The following NARS2 variants were observed in gnomAD, a reference collection of about 807,000 sequenced individuals.
NARS2 encodes the protein asparaginyl-tRNA synthetase 2, mitochondrial.
A neutral mutation model predicts 62.9 loss-of-function variants in NARS2; 60 were observed. The observed-to-expected ratio is 0.95, with a 90% confidence interval of 0.77 to 1.18. The LOEUF (loss-of-function observed/expected upper bound fraction) is 1.18, where lower values mean the gene tolerates loss of function less well. NARS2 is among the 50% of genes most tolerant of loss of function. The pLI is 0.00. For missense variants in NARS2, 619 were observed against 576.4 expected, an observed-to-expected ratio of 1.07 and a Z score of -0.76; for synonymous variants, 196 against 200.0, an observed-to-expected ratio of 0.98 and a Z score of 0.17.
At position 78,472,396 on chromosome 11, in the gene NARS2, C is replaced by T. The variant is rs1218836109; in HGVS notation, c.960-3083G>A. Among the ~76,000 whole-genome samples, 2 of 152,070 alleles carry T rather than the reference C, an allele frequency of 1.3e-5. 1 individual carries two copies. Among genetic ancestry groups the T allele is most frequent in the South Asian group, 4.1e-4 (2 of 4,832 alleles). On this transcript the variant is annotated intron_variant, in intron 9 of 13. Coordinates refer to ENST00000281038, the MANE Select transcript of NARS2 (RefSeq NM_024678.6). ...TCTGAAGCTGTTAAGAGTAAAATTG[C>T]TCAACTACAAAGATAATTATTGTCA...
chr11:78,447,263 C>T (rs1196500635), intron 11 of NARS2, among the ~76,000 whole-genome samples: 2 of 151,810 alleles, frequency 1.3e-5, no homozygotes, highest in African/African-American at 4.8e-5. Flanking sequence ...CAAGCGATCT[C>T]CTGCCTCAGC....
At chr11:78,491,558 T>C (rs904142229) in intron 7 of NARS2, among the ~76,000 whole-genome samples, 1 of 152,252 alleles carries the variant, frequency 6.6e-6, no homozygotes, top group Non-Finnish European at 1.5e-5. Context: ...TTGGTTGATA[T>C]GGGAAGGCAC....
chr11:78,531,994 A>C, intron 5 of NARS2, among the ~76,000 whole-genome samples: 1 of 152,226 alleles, frequency 6.6e-6, no homozygotes, highest in East Asian at 1.9e-4. Context: ...ATGCCACTGA[A>C]ATGTACCTTT....
intron 10 of NARS2, among the ~76,000 whole-genome samples, chr11:78,466,662 CA>C (rs2135216413): frequency 6.6e-6 from 1 of 152,028 alleles, no homozygotes; most frequent in East Asian, 1.9e-4. Context: ...TTTGTATTTT[CA>C]GTAGAGATGG....
At chr11:78,498,829 G>A (rs1860164929) in intron 6 of NARS2, among the ~76,000 whole-genome samples, 1 of 149,624 alleles carries the variant, frequency 6.7e-6, no homozygotes, top group African/African-American at 2.5e-5. Context: ...AAAATTTCAT[G>A]AGCGACTATA....
chr11:78,477,116 T>C (rs778289138), intron 9 of NARS2, among the ~76,000 whole-genome samples: 5 of 152,206 alleles, frequency 3.3e-5, no homozygotes, highest in Non-Finnish European at 5.9e-5. Context: ...TTTCATTAGA[T>C]AGGAGCTGGA....
chr11:78,544,866 G>A (rs1435444666), intron 5 of NARS2, among the ~76,000 whole-genome samples: 3 of 150,332 alleles, frequency 2.0e-5, no homozygotes, highest in Non-Finnish European at 4.4e-5. Context: ...TGTAATCCCA[G>A]CTACTCAGGA....
chr11:78,482,835 C>T (rs928530366), intron 7 of NARS2, among the ~76,000 whole-genome samples: 1 of 152,162 alleles, frequency 6.6e-6, no homozygotes, highest in Admixed American at 6.5e-5. Context: ...AGAACCATTC[C>T]TTCTAAAATT....
chr11:78,573,792 C>T (rs774628270), intron 1 of NARS2, among the ~76,000 whole-genome samples: 3 of 152,082 alleles, frequency 2.0e-5, no homozygotes, highest in Non-Finnish European at 2.9e-5. Context: ...AACGCATAAA[C>T]GCTATGCAGA....
chr11:78,473,822 C>T (rs1226707348), intron 9 of NARS2, among the ~76,000 whole-genome samples: 9 of 152,184 alleles, frequency 5.9e-5, no homozygotes, highest in African/African-American at 1.9e-4. Context: ...AGGGTGTAGT[C>T]CTTGACCAGT....
chr11:78,466,669 G>A (rs1858636731), intron 10 of NARS2, among the ~76,000 whole-genome samples: 1 of 152,094 alleles, frequency 6.6e-6, no homozygotes, highest in Admixed American at 6.6e-5. Flanking sequence ...TTTCAGTAGA[G>A]ATGGGGTTTC....
intron 11 of NARS2, among the ~76,000 whole-genome samples, chr11:78,460,288 A>C (rs1435061936): frequency 9.2e-6 from 1 of 108,660 alleles, no homozygotes; most frequent in African/African-American, 3.4e-5. Flanking sequence ...TTTTTTTTTA[A>C]TGGGGATGGA....
intron 11 of NARS2, among the ~76,000 whole-genome samples, chr11:78,463,622 G>C (rs1858480695): frequency 6.9e-6 from 1 of 144,486 alleles, no homozygotes. Context: ...GGAGGCAGAG[G>C]TTGCAGTGAG....
rs564406034 is a variant in NARS2 at position 78,517,999 on chromosome 11, G to T, written c.689+10843C>A. Among the ~76,000 whole-genome samples the T allele has an allele frequency of 5.3e-5, 8 of 152,184 alleles. No individual in the cohort carries two copies. The South Asian group carries it at 1.7e-3, about 32-fold the overall frequency. On this transcript the variant is annotated intron_variant, in intron 6 of 13. Coordinates refer to ENST00000281038, the MANE Select transcript of NARS2 (RefSeq NM_024678.6). The stretch of plus-strand genomic sequence containing the variant: ...GTTATATAATTTCCATGAAGTAAAA[G>T]GAATTATTAACATAGACTTAACTCC...
At chr11:78,455,517 T>G (rs919579893) in intron 11 of NARS2, among the ~76,000 whole-genome samples, 4 of 152,126 alleles carry the variant, frequency 2.6e-5, no homozygotes, top group Non-Finnish European at 5.9e-5. Flanking sequence ...AAAAAAGTCC[T>G]CCTAAGGTCT....
chr11:78,534,533 G>A (rs1016900862), intron 5 of NARS2, among the ~76,000 whole-genome samples: 3 of 152,176 alleles, frequency 2.0e-5, no homozygotes, highest in Non-Finnish European at 2.9e-5. Context: ...GCTGCTGACT[G>A]ACTGATAATG....
chr11:78,570,103 T>C (rs908927046), intron 2 of NARS2, among the ~76,000 whole-genome samples: 23 of 152,086 alleles, frequency 1.5e-4, no homozygotes, highest in Non-Finnish European at 2.2e-4. Context: ...GGCACGAGAA[T>C]TGCCCGAACT....
chr11:78,502,837 T>C (rs2135360686), intron 6 of NARS2, among the ~76,000 whole-genome samples: 1 of 151,838 alleles, frequency 6.6e-6, no homozygotes, highest in East Asian at 1.9e-4. Flanking sequence ...CTACTAAAAA[T>C]ACAAAAATTA....
chr11:78,459,115 T>C (rs1303504534), intron 11 of NARS2, among the ~76,000 whole-genome samples: 1 of 151,826 alleles, frequency 6.6e-6, no homozygotes, highest in African/African-American at 2.4e-5. Flanking sequence ...GGGTTTCACC[T>C]TGTTGGTCAG....
Sources: gnomAD v4.1 joint callset for allele counts (sites outside exome capture counted in the v4.1 genomes callset) on GRCh38, gnomAD v4.1.1 for gene constraint, MANE v1.5 for transcripts, NCBI Gene and HGNC (gene_info 2026-07-23, HGNC 2026-07-21) for gene names.